The following NDST4 variants were observed in gnomAD, a reference collection of about 807,000 sequenced individuals.
NDST4 encodes the protein N-heparan sulfate sulfotransferase 4.
NDST4 carries 63 observed loss-of-function variants against 100.8 expected under a neutral mutation model. The ratio of observed to expected loss-of-function variants is 0.62; its 90% CI spans 0.51 to 0.77. The LOEUF is 0.77. Ranked by LOEUF, NDST4 falls within the 30% of genes least tolerant of loss-of-function variation. NDST4 has a pLI of 0.00. For synonymous variants in NDST4, 377 were observed against 361.8 expected (o/e 1.04, Z -0.48); for missense variants, 943 against 1,018.4 (o/e 0.93, Z 1.01).
At chr4:115,078,639 G>A (rs1400139229) in intron 1 of NDST4, among the ~76,000 whole-genome samples, 1 of 152,054 alleles carries the variant, frequency 6.6e-6, no homozygotes, top group Non-Finnish European at 1.5e-5. Context: ...AGGAGTTCAA[G>A]ATCAGCCTGG....
chr4:115,093,282 TG>T (rs1051466550), intron 1 of NDST4, among the ~76,000 whole-genome samples: 1 of 152,048 alleles, frequency 6.6e-6, no homozygotes, highest in Admixed American at 6.6e-5. Context: ...GAGACTATCC[TG>T]GCTAACACGG....
At chr4:114,989,711 A>T (rs957061272) in intron 2 of NDST4, among the ~76,000 whole-genome samples, 2 of 152,166 alleles carry the variant, frequency 1.3e-5, no homozygotes, top group Non-Finnish European at 2.9e-5. Context: ...GCCAATTGAG[A>T]AATGAGGGTC....
intron 2 of NDST4, among the ~76,000 whole-genome samples, chr4:115,014,210 G>T (rs940728060): frequency 6.6e-6 from 1 of 152,062 alleles, no homozygotes; most frequent in Non-Finnish European, 1.5e-5. Flanking sequence ...ACTACCCTGA[G>T]TCTCATGGCT....
intron 7 of NDST4, among the ~76,000 whole-genome samples, chr4:114,857,630 A>C (rs531871820): frequency 6.6e-6 from 1 of 152,330 alleles, no homozygotes; most frequent in Non-Finnish European, 1.5e-5. Flanking sequence ...CTACAGTTCC[A>C]TTCAGAGGGG....
At chr4:115,010,709 T>G (rs1440623968) in intron 2 of NDST4, among the ~76,000 whole-genome samples, 1 of 67,092 alleles carries the variant, frequency 1.5e-5, no homozygotes, top group African/African-American at 5.8e-5. Flanking sequence ...AATACATATA[T>G]GGCTCTTTGT....
chr4:115,048,958 C>A (rs553844445), intron 2 of NDST4, among the ~76,000 whole-genome samples: 1 of 152,032 alleles, frequency 6.6e-6, no homozygotes, highest in South Asian at 2.1e-4. Context: ...AATTTTTGTG[C>A]GTGCAGTAAA....
intron 2 of NDST4, among the ~76,000 whole-genome samples, chr4:114,997,282 T>A (rs1298593288): frequency 6.6e-6 from 1 of 152,034 alleles, no homozygotes; most frequent in African/African-American, 2.4e-5. Context: ...GAGGAGAAAA[T>A]TTATTGTTTC....
intron 6 of NDST4, among the ~76,000 whole-genome samples, chr4:114,898,061 A>G (rs1724754492): frequency 6.6e-6 from 1 of 152,116 alleles, no homozygotes; most frequent in South Asian, 2.1e-4. Context: ...ATTTTAATGG[A>G]GTCCAGCTCA....
chr4:114,986,832 A>ATATATATTTTTTTT, intron 2 of NDST4, among the ~76,000 whole-genome samples: 50 of 94,636 alleles, frequency 5.3e-4, no homozygotes, highest in Middle Eastern at 8.1e-3. Flanking sequence ...ATATATATAT[A>ATATATATTTTTTTT]TTTTAATATA....
intron 1 of NDST4, among the ~76,000 whole-genome samples, chr4:115,094,290 C>T (rs1431945003): frequency 6.6e-6 from 1 of 152,016 alleles, no homozygotes; most frequent in African/African-American, 2.4e-5. Context: ...AAAGAAACCT[C>T]CAGTCACTGA....
rs548766827 is a variant in NDST4, at chr4:114,910,319, C to A, written c.1536+24887G>T. Reference sequence around the variant, plus strand: ...CATCTCCTCAATTTCTCAGAATTACCATTTCAGGAAATGTACATCTCTATT... The same window carrying A: ...CATCTCCTCAATTTCTCAGAATTACAATTTCAGGAAATGTACATCTCTATT... On this transcript the variant is annotated intron_variant, in intron 6 of 13. Transcript: ENST00000264363. 6.6e-5 allele frequency among the ~76,000 whole-genome samples: 10 copies of A among 152,216 alleles called. No homozygotes were observed. In the East Asian group the frequency reaches 7.7e-4, roughly 12 times the overall value.
At position 115,031,849 on chromosome 4, in the gene NDST4, T is replaced by C. The variant is rs986534985; in HGVS notation, c.978+44210A>G. Among the ~76,000 whole-genome samples, 6 of 152,246 alleles carry C rather than the reference T, an allele frequency of 3.9e-5. No individual in the cohort carries two copies. The East Asian group carries it at 1.2e-3, about 29-fold the overall frequency. Reference sequence around the variant, plus strand: ...CTACTCTTTTTGGGATGTGTCAGCATCTAATGCCATGGTCTTCAACAAAAA... The same window carrying C: ...CTACTCTTTTTGGGATGTGTCAGCACCTAATGCCATGGTCTTCAACAAAAA... On this transcript the variant is annotated intron_variant, in intron 2 of 13. Transcript: ENST00000264363.
chr4:115,085,260 T>G (rs1469773291), intron 1 of NDST4, among the ~76,000 whole-genome samples: 3 of 152,320 alleles, frequency 2.0e-5, no homozygotes, highest in Admixed American at 6.5e-5. Context: ...GTACCCCCAT[T>G]GTATCTAGGA....
At chr4:114,991,504 TG>T (rs1317887378) in intron 2 of NDST4, among the ~76,000 whole-genome samples, 1 of 152,058 alleles carries the variant, frequency 6.6e-6, no homozygotes, top group African/African-American at 2.4e-5. Context: ...ATAAAGGGTA[TG>T]TGGACACAGC....
intron 6 of NDST4, among the ~76,000 whole-genome samples, chr4:114,929,761 T>G (rs1725474199): frequency 6.6e-6 from 1 of 152,256 alleles, no homozygotes; most frequent in Non-Finnish European, 1.5e-5. Flanking sequence ...TTTAAAATCC[T>G]GAGATTTATT....
intron 2 of NDST4, among the ~76,000 whole-genome samples, chr4:115,021,604 A>C (rs900896552): frequency 8.5e-6 from 1 of 118,246 alleles, no homozygotes; most frequent in Admixed American, 9.1e-5. Context: ...CACGTTCCAC[A>C]TATACACATT....
At chr4:114,978,671 G>T (rs200810726) in intron 2 of NDST4, among the ~76,000 whole-genome samples, 1 of 151,860 alleles carries the variant, frequency 6.6e-6, no homozygotes, top group South Asian at 2.1e-4. Flanking sequence ...AGAATATTAT[G>T]CATTATTTCC....
chr4:114,881,041 A>G (rs938035939), intron 6 of NDST4, among the ~76,000 whole-genome samples: 1 of 152,092 alleles, frequency 6.6e-6, no homozygotes, highest in African/African-American at 2.4e-5. Context: ...AAAGAAAGAG[A>G]CCAGCTCATA....
At chr4:114,882,790 A>G (rs561658776) in intron 6 of NDST4, among the ~76,000 whole-genome samples, 1 of 152,126 alleles carries the variant, frequency 6.6e-6, no homozygotes, top group African/African-American at 2.4e-5. Flanking sequence ...CAGGATAAGT[A>G]CCAAACAAAC....
Sources: gnomAD v4.1 joint callset for allele counts (sites outside exome capture counted in the v4.1 genomes callset) on GRCh38, gnomAD v4.1.1 for gene constraint, MANE v1.5 for transcripts, NCBI Gene and HGNC (gene_info 2026-07-23, HGNC 2026-07-21) for gene names.